The following SLC25A26 variants were observed in gnomAD, a reference collection of about 807,000 sequenced individuals.
The protein encoded by SLC25A26 is solute carrier family 25 member 26.
SLC25A26 carries 36 observed loss-of-function variants against 37.8 expected under a neutral mutation model. The observed-to-expected ratio is 0.95, with a 90% CI of 0.73 to 1.26. SLC25A26 has a LOEUF of 1.26. Ranked by LOEUF, SLC25A26 falls within the 50% of genes most tolerant of loss-of-function variation. The pLI is 0.00. For missense variants in SLC25A26, 390 were observed against 331.1 expected (o/e 1.18, Z -1.38); for synonymous variants, 129 against 122.5 (o/e 1.05, Z -0.35).
intron 5 of SLC25A26, among the ~76,000 whole-genome samples, chr3:66,326,185 T>A (rs568867217): frequency 6.6e-6 from 1 of 152,142 alleles, no homozygotes; most frequent in Non-Finnish European, 1.5e-5. Flanking sequence ...GGCTTCAGCC[T>A]ATGGGCTAGA....
chr3:66,335,720 T>G (rs140668876), intron 5 of SLC25A26, among the ~76,000 whole-genome samples: 2,252 of 152,312 alleles, frequency 0.015, 31 homozygotes, highest in Middle Eastern at 0.092. Flanking sequence ...CCTGCCTGCC[T>G]TATCAAGCTT....
chr3:66,344,021 T>C (rs1161093870), intron 5 of SLC25A26, among the ~76,000 whole-genome samples: 8 of 152,174 alleles, frequency 5.3e-5, no homozygotes, highest in African/African-American at 1.9e-4. Context: ...TTCTCTGAGA[T>C]TCTAGCTTGT....
intron 1 of SLC25A26, among the ~76,000 whole-genome samples, chr3:66,175,141 A>ATATAT (rs1559561007): frequency 1.7e-5 from 1 of 58,256 alleles, no homozygotes; most frequent in African/African-American, 1.0e-4. Context: ...ATATATATAT[A>ATATAT]CACACACACA....
At chr3:66,232,094 T>G (rs2106971384) in intron 1 of SLC25A26, among the ~76,000 whole-genome samples, 1 of 152,360 alleles carries the variant, frequency 6.6e-6, no homozygotes, top group South Asian at 2.1e-4. Flanking sequence ...CATTTATTTC[T>G]GTGGAAGAAA....
At chr3:66,308,588 A>C (rs771465056) in intron 5 of SLC25A26, among the ~76,000 whole-genome samples, 2 of 152,236 alleles carry the variant, frequency 1.3e-5, no homozygotes, top group South Asian at 2.1e-4. Context: ...CCGGTTTTCA[A>C]AGTTAATGCT....
chr3:66,363,625 G>A (rs1223950764), intron 7 of SLC25A26, among the ~76,000 whole-genome samples: 1 of 152,190 alleles, frequency 6.6e-6, no homozygotes, highest in African/African-American at 2.4e-5. Context: ...TTGTTACAAC[G>A]TTAAATTAGA....
At chr3:66,223,793 G>A (rs1337968043) in intron 1 of SLC25A26, among the ~76,000 whole-genome samples, 1 of 152,224 alleles carries the variant, frequency 6.6e-6, no homozygotes, top group East Asian at 1.9e-4. Flanking sequence ...CCTCTGGGAT[G>A]TTAGTTATCA....
At chr3:66,348,559 G>A (rs1258405686) in intron 6 of SLC25A26, among the ~76,000 whole-genome samples, 2 of 152,048 alleles carry the variant, frequency 1.3e-5, no homozygotes, top group Non-Finnish European at 2.9e-5. Context: ...AGATTGACTA[G>A]TCATGGAGTG....
chr3:66,205,021 T>C (rs938842073), intron 1 of SLC25A26, among the ~76,000 whole-genome samples: 47 of 152,328 alleles, frequency 3.1e-4, no homozygotes, highest in African/African-American at 1.1e-3. Context: ...GCTAAGAACA[T>C]TGACTTTCTT....
At chr3:66,209,500 T>C (rs1247128867) in intron 1 of SLC25A26, among the ~76,000 whole-genome samples, 1 of 142,170 alleles carries the variant, frequency 7.0e-6, no homozygotes, top group Non-Finnish European at 1.5e-5. Context: ...TTTATATGGG[T>C]ATATAGTTAT....
upstream of SLC25A26, among the ~76,000 whole-genome samples, chr3:66,218,590 A>G (rs924909009): frequency 5.1e-4 from 77 of 152,334 alleles, no homozygotes; most frequent in African/African-American, 1.8e-3. Flanking sequence ...TGGGTAGTCC[A>G]GCCCCATAAT....
rs1245065450 is a variant in SLC25A26, at chr3:66,328,625, C to CT, written c.454-17738dup. 2.0e-5 allele frequency among the ~76,000 whole-genome samples: 3 copies of CT among 152,290 alleles called. No individual in the cohort carries two copies. In the East Asian group the frequency reaches 5.8e-4, roughly 29 times the overall value. ...CTATATTAAAAGATCTTTAAAGTCTCTCAGCATTCAAGAAATAACTTAGGC... is the reference window on the plus strand; with the variant it reads ...CTATATTAAAAGATCTTTAAAGTCTCTTCAGCATTCAAGAAATAACTTAGGC... On this transcript the variant is annotated intron_variant, in intron 5 of 9. Coordinates refer to ENST00000354883, the MANE Select transcript of SLC25A26 (RefSeq NM_001379210.1).
chr3:66,214,409 T>C (rs1253329936), intron 1 of SLC25A26, among the ~76,000 whole-genome samples: 1 of 152,186 alleles, frequency 6.6e-6, no homozygotes, highest in Non-Finnish European at 1.5e-5. Context: ...TATTCCTTTA[T>C]AACGATGCAA....
rs183098067 is a variant in SLC25A26 at position 66,378,882 on chromosome 3, C to T, written c.*1075C>T. ...TATTTTACATGGTTTTCAATGTACACTGTACCAAAATTTCTATAAATAAAT... is the reference window on the plus strand; with the variant it reads ...TATTTTACATGGTTTTCAATGTACATTGTACCAAAATTTCTATAAATAAAT... On this transcript the variant is annotated 3_prime_UTR_variant, in exon 10 of 10. Coordinates refer to ENST00000354883, the MANE Select transcript of SLC25A26 (RefSeq NM_001379210.1). The T allele has an allele frequency of 9.8e-5, 15 of 152,770 alleles. No individual in the cohort carries two copies. Among genetic ancestry groups the T allele is most frequent in the Non-Finnish European group, 1.3e-4 (9 of 68,032 alleles). 9.5% of individuals were successfully genotyped at this position (152,770 alleles called of 1,614,324 possible).
At chr3:66,338,180 AT>A (rs1380970827) in intron 5 of SLC25A26, among the ~76,000 whole-genome samples, 2 of 151,870 alleles carry the variant, frequency 1.3e-5, no homozygotes, top group Admixed American at 6.6e-5. Context: ...TGTATCAATA[AT>A]TTTTTTCATT....
Position 66,204,271 on chromosome 3 carries a change from A to G in SLC25A26, c.-353-16471A>G, listed in dbSNP as rs1051123261. The stretch of plus-strand genomic sequence containing the variant: ...AAACCCCGTCTCTGCTTAAAATACA[A>G]AAAAATTAGCCGGGCGTAGTGGCGG... On this transcript the variant is annotated intron_variant, in intron 1 of 10. Coordinates refer to the SLC25A26 transcript ENST00000676754. Among the ~76,000 whole-genome samples the G allele has an allele frequency of 3.0e-4, 46 of 151,830 alleles. No homozygotes were observed. In the East Asian group the frequency reaches 8.9e-3, roughly 29 times the overall value.
At chr3:66,332,919 A>G (rs1324864712) in intron 5 of SLC25A26, among the ~76,000 whole-genome samples, 1 of 151,822 alleles carries the variant, frequency 6.6e-6, no homozygotes, top group African/African-American at 2.4e-5. Flanking sequence ...TGGGTGGTGT[A>G]TTTTCTGAGT....
At chr3:66,291,397 C>T (rs2074702277) in intron 5 of SLC25A26, among the ~76,000 whole-genome samples, 1 of 152,018 alleles carries the variant, frequency 6.6e-6, no homozygotes, top group African/African-American at 2.4e-5. Flanking sequence ...GTGATGTTAG[C>T]ATGTCTATTT....
chr3:66,296,908 A>G (rs962662609), intron 5 of SLC25A26, among the ~76,000 whole-genome samples: 3 of 152,258 alleles, frequency 2.0e-5, no homozygotes, highest in South Asian at 4.1e-4. Flanking sequence ...CCTGAACAGA[A>G]GGCTTGACTG....
Sources: allele counts gnomAD v4.1 joint callset (sites outside exome capture counted in the v4.1 genomes callset), GRCh38; gene constraint gnomAD v4.1.1; transcripts MANE v1.5; gene names NCBI Gene and HGNC (gene_info 2026-07-23, HGNC 2026-07-21).